Variants in CHRNE observed in about 807,000 individuals in gnomAD.
The protein encoded by CHRNE is acetylcholine receptor subunit epsilon.
Under a neutral mutation model 56.5 loss-of-function variants are expected in CHRNE, and 58 were observed. The observed-to-expected ratio is 1.03, with a 90% CI of 0.83 to 1.28. The LOEUF is 1.28. Among genes scored for constraint, CHRNE ranks in the 50% most tolerant of loss-of-function variants. The probability of loss-of-function intolerance (pLI) is 0.00; values close to 1 mark genes in which losing one functional copy is unlikely to be tolerated. For synonymous variants in CHRNE, 385 were observed against 297.9 expected (o/e 1.29, Z -3.01); for missense variants, 793 against 688.9 (o/e 1.15, Z -1.69).
At position 4,902,527 on chromosome 17, in the gene CHRNE, G is replaced by T; in HGVS notation, c.190-33C>A. On this transcript the variant is annotated intron_variant, in intron 2 of 11. Transcript: ENST00000649488. The surrounding 1 kb of genome is among the most constrained non-coding windows in gnomAD (Gnocchi z 4.0). ...TGGGAGATGGGGATGATTGAAGTGAGATTTCAGGGCCAGAAGTGAGCTTTA... is the reference window on the plus strand; with the variant it reads ...TGGGAGATGGGGATGATTGAAGTGATATTTCAGGGCCAGAAGTGAGCTTTA... 1 of 1,614,196 alleles carries T rather than the reference G, an allele frequency of 6.2e-7. No individual in the cohort carries two copies. The highest frequency in any genetic ancestry group is 1.1e-5 in the South Asian group (1 of 91,088).
Position 4,902,678 on chromosome 17 carries a change from C to G in CHRNE, c.132G>C (p.Glu44Asp). 6.2e-7 allele frequency: 1 copy of G among 1,614,116 alleles called. No homozygotes were observed. The highest frequency in any genetic ancestry group is 8.5e-7 in the Non-Finnish European group (1 of 1,180,002). Reference sequence around the variant, plus strand: ...GGCTGATGGTGACAGTATCCTCAGGCTCCCGCACTGGCCGGCTTCCTGGGT... The same window carrying G: ...GGCTGATGGTGACAGTATCCTCAGGGTCCCGCACTGGCCGGCTTCCTGGGT... ...NYDPGSRPVR[E>D]PEDTVTISLK... The change falls in exon 2 of 12, where the codon GAG becomes GAC. Residue 44 changes from glutamate (E) to aspartate (D), a missense_variant. Coordinates refer to ENST00000649488, the MANE Select transcript of CHRNE (RefSeq NM_000080.4). This position sits in a 1 kb window ranked among gnomAD's most constrained non-coding sequence, Gnocchi z 4.0.
At chr17:4,900,297 C>G in intron 8 of CHRNE, 1 of 1,545,450 alleles carries the variant, frequency 6.5e-7, no homozygotes. Context: ...GGGCCCAGCC[C>G]CAGACGGCAG....
In CHRNE at chr17:4,899,312, GGGGCGAGGCGGCCCGGGGGGCCTC is replaced by G. The variant is rs922032533; in HGVS notation, c.1081_1104del (p.Glu361_Pro368del). On this transcript the variant is annotated inframe_deletion, in exon 10 of 12. Coordinates refer to ENST00000649488, the MANE Select transcript of CHRNE (RefSeq NM_000080.4). Reference sequence around the variant, plus strand: ...AAGCCCACCGACGACGCCCGCCTTGGGGGCGAGGCGGCCCGGGGGGCCTCGGGCGGCGGCGGGGAGCCCAGGAGG... The same window carrying G: ...AAGCCCACCGACGACGCCCGCCTTGGGGGCGGCGGCGGGGAGCCCAGGAGG... The G allele has an allele frequency of 6.3e-7, 1 of 1,577,178 alleles. No homozygotes were observed. Among genetic ancestry groups the G allele is most frequent in the Non-Finnish European group, 8.6e-7 (1 of 1,168,166 alleles).
Position 4,902,140 on chromosome 17 carries a change from T to C in CHRNE, c.345-53A>G. On this transcript the variant is annotated intron_variant, in intron 4 of 11. Coordinates refer to ENST00000649488, the MANE Select transcript of CHRNE (RefSeq NM_000080.4). This position sits in a 1 kb window ranked among gnomAD's most constrained non-coding sequence, Gnocchi z 4.0. ...TGCACAGGTCTGCACCCTCTCAGAG[T>C]ACCCCCTTCCCCAACCAAGTCCAGC... 1 of 1,612,800 alleles carries C rather than the reference T, an allele frequency of 6.2e-7. No individual in the cohort carries two copies. The highest frequency in any genetic ancestry group is 2.2e-5 in the East Asian group (1 of 44,730).
Position 4,899,483 on chromosome 17 carries a change from G to A in CHRNE, c.1017C>T (p.Ser339=), listed in dbSNP as rs114454383. 5.0e-6 allele frequency: 8 copies of A among 1,598,544 alleles called. No homozygotes were observed. Among genetic ancestry groups the A allele is most frequent in the East Asian group, 2.3e-5 (1 of 44,344 alleles). ...CCGCGCTTACGTGGCGCAGCCGCGG[G>A]GACATGGCGTGGGTGGTGGGCGTCC... ...SQRTPTTHAM[S]PRLRHVLLEL... Residue 339 remains serine, a synonymous_variant, in exon 9 of 12, where the codon TCC becomes TCT. Transcript: ENST00000649488.
At position 4,898,708 on chromosome 17, in the gene CHRNE, A is replaced by ATGGG. The variant is rs1567635219; in HGVS notation, c.*24_*27dup. The ATGGG allele has an allele frequency of 6.2e-7, 1 of 1,602,464 alleles. No homozygotes were observed. Among genetic ancestry groups the ATGGG allele is most frequent in the African/African-American group, 1.3e-5 (1 of 74,944 alleles). On this transcript the variant is annotated 3_prime_UTR_variant, in exon 12 of 12. Transcript: ENST00000649488. ...TTTCAAAATCAATTTCCTACTGGAG[A>ATGGG]TGGGTGGGAAATTGAAGTCGGTGCG...
At chr17:4,899,615 C>T (rs1177751158) in intron 8 of CHRNE, 33 bp from the exon 9 acceptor site, 2 of 1,511,096 alleles carry the variant, frequency 1.3e-6, no homozygotes, top group African/African-American at 2.8e-5. Flanking sequence ...CATCACCGTT[C>T]CTCCTCCCAG....
chr17:4,898,393 T>G lies in CHRNE; in HGVS notation c.*343A>C. The G allele has an allele frequency of 2.7e-6, 1 of 371,138 alleles. No individual in the cohort carries two copies. Among genetic ancestry groups the G allele is most frequent in the Non-Finnish European group, 5.2e-6 (1 of 194,174 alleles). The allele number at this position is 371,138 out of a possible 1,614,324, so 23.0% of individuals were successfully genotyped here. On this transcript the variant is annotated 3_prime_UTR_variant, in exon 12 of 12. Coordinates refer to ENST00000649488, the MANE Select transcript of CHRNE (RefSeq NM_000080.4). ...TGCAAAGGGGTCTCCTGTTTGGCTA[T>G]GAAATGAATATAGATAGATAGCTCA... is the stretch of plus-strand genomic sequence containing the variant.
At chr17:4,901,455 G>T in intron 6 of CHRNE, 70 bp downstream of exon 6, 1 of 1,440,200 alleles carries the variant, frequency 6.9e-7, no homozygotes, top group Non-Finnish European at 9.8e-7. Context: ...TCCGGGGCAA[G>T]CCCACCGTGG....
At position 4,899,058 on chromosome 17, in the gene CHRNE, A is replaced by ACAGCAGCGGACCTCGGGGG. The variant is rs781774131; in HGVS notation, c.1250_1268dup (p.Val424ProfsTer38). 19 of 1,611,810 alleles carry ACAGCAGCGGACCTCGGGGG rather than the reference A, an allele frequency of 1.2e-5. No homozygotes were observed. In the South Asian group the frequency reaches 2.0e-4, roughly 17 times the overall value. On this transcript the variant is annotated frameshift_variant, in exon 11 of 12. Coordinates refer to ENST00000649488, the MANE Select transcript of CHRNE (RefSeq NM_000080.4). LOFTEE classifies it high-confidence loss of function. The stretch of plus-strand genomic sequence containing the variant: ...CGGCCACGAAGTTCACGGCATCCAC[A>ACAGCAGCGGACCTCGGGGG]CAGCAGCGGACCTCGGGGGCGGCGG...
rs767865852 is a variant in CHRNE, at chr17:4,899,462, G to A, written c.1032+6C>T. On this transcript the variant is annotated splice_donor_region_variant and intron_variant, in intron 9 of 11. Coordinates refer to ENST00000649488, the MANE Select transcript of CHRNE (RefSeq NM_000080.4). ...ACCCGGGCTGCACCGCCCCCTCCGC[G>A]CTTACGTGGCGCAGCCGCGGGGACA... The A allele has an allele frequency of 1.3e-6, 2 of 1,581,888 alleles. No individual in the cohort carries two copies. Among genetic ancestry groups the A allele is most frequent in the South Asian group, 2.3e-5 (2 of 86,482 alleles).
chr17:4,899,724 T>G (rs1241187072), intron 8 of CHRNE, 142 bp from the exon 9 acceptor site: 2 of 1,533,730 alleles, frequency 1.3e-6, no homozygotes, highest in East Asian at 2.5e-5. Context: ...GACAGACGCG[T>G]CCCCCAGCCC....
At position 4,899,192 on chromosome 17, in the gene CHRNE, G is replaced by A. The variant is rs1162261735; in HGVS notation, c.1219+6C>T. On this transcript the variant is annotated splice_donor_region_variant and intron_variant, in intron 10 of 11. Coordinates refer to ENST00000649488, the MANE Select transcript of CHRNE (RefSeq NM_000080.4). ...CGGCCCCCCGGGCCAGGGCCACTGT[G>A]CTCACCCGTCCAGGTCCCCTGCCGG... is the stretch of plus-strand genomic sequence containing the variant. 5 of 1,600,956 alleles carry A rather than the reference G, an allele frequency of 3.1e-6. No homozygotes were observed. Among genetic ancestry groups the A allele is most frequent in the Admixed American group, 1.7e-5 (1 of 59,248 alleles).
upstream of CHRNE, among the ~76,000 whole-genome samples, chr17:4,907,128 C>A (rs1174077950): frequency 1.3e-5 from 2 of 151,782 alleles, no homozygotes; most frequent in Non-Finnish European, 2.9e-5. Flanking sequence ...TATTTGATAG[C>A]ACAACAGAGT....
upstream of CHRNE, among the ~76,000 whole-genome samples, chr17:4,904,905 T>G (rs1352177291): frequency 6.6e-6 from 1 of 152,212 alleles, no homozygotes; most frequent in Non-Finnish European, 1.5e-5. Flanking sequence ...ACGATTTCCA[T>G]TTCAGACTCC....
In CHRNE at chr17:4,902,389, G is replaced by A; in HGVS notation, c.234+61C>T. ...CTCCCACCTGGCGCTGCCTGGGAGGGGTTTGGGGGAAAAGGGGTGCCCTGG... is the reference window on the plus strand; with the variant it reads ...CTCCCACCTGGCGCTGCCTGGGAGGAGTTTGGGGGAAAAGGGGTGCCCTGG... On this transcript the variant is annotated intron_variant, in intron 3 of 11. Coordinates refer to ENST00000649488, the MANE Select transcript of CHRNE (RefSeq NM_000080.4). The surrounding 1 kb of genome is among the most constrained non-coding windows in gnomAD (Gnocchi z 4.0). 1.2e-6 allele frequency: 2 copies of A among 1,613,596 alleles called. No individual in the cohort carries two copies. Among genetic ancestry groups the A allele is most frequent in the East Asian group, 4.5e-5 (2 of 44,870 alleles).
In CHRNE at chr17:4,902,981, G is replaced by C; in HGVS notation, c.46+37C>G. 1 of 1,613,124 alleles carries C rather than the reference G, an allele frequency of 6.2e-7. No homozygotes were observed. Among genetic ancestry groups the C allele is most frequent in the Non-Finnish European group, 8.5e-7 (1 of 1,179,154 alleles). On this transcript the variant is annotated intron_variant, in intron 1 of 11. Coordinates refer to ENST00000649488, the MANE Select transcript of CHRNE (RefSeq NM_000080.4). This position sits in a 1 kb window ranked among gnomAD's most constrained non-coding sequence, Gnocchi z 4.0. ...TCCCAGTCCCTTCATGTCAGTATCT[G>C]TGTGTGTCCAATTGCCCCTCTAGCC...
rs890613082 is a variant in CHRNE at position 4,898,152 on chromosome 17, G to A, written c.*584C>T. On this transcript the variant is annotated 3_prime_UTR_variant, in exon 12 of 12. Coordinates refer to ENST00000649488, the MANE Select transcript of CHRNE (RefSeq NM_000080.4). ...GGAAGAAAGGGGCAGGGTGGGCTGG[G>A]ATCTGCAATGAGTGAGCCTCATGGG... 1.2e-5 allele frequency: 2 copies of A among 162,736 alleles called. No individual in the cohort carries two copies. The highest frequency in any genetic ancestry group is 5.7e-5 in the Admixed American group (1 of 17,598). 10.1% of individuals were successfully genotyped at this position (162,736 alleles called of 1,614,324 possible). A position where few individuals can be genotyped will look rare whatever the true frequency, so the allele number is the denominator to read the frequency against.
In CHRNE at chr17:4,902,079, C is replaced by T. The variant is rs1555546986; in HGVS notation, c.353G>A (p.Gly118Asp). 6 of 1,613,936 alleles carry T rather than the reference C, an allele frequency of 3.7e-6. No individual in the cohort carries two copies. In the South Asian group the frequency reaches 4.4e-5, roughly 12 times the overall value. ...GGCGTCGTAGGCCACTCCGAACTGG[C>T]CATCAATACTGTGGGCTCGGGGAAA... ...PEIVLENNID[G>D]QFGVAYDANV... Residue 118 changes from glycine (G) to aspartate (D), a missense_variant, in exon 5 of 12, where the codon GGC becomes GAC. Physicochemically the swap from Gly to Asp is moderately conservative, Grantham distance 94. Transcript: ENST00000649488. The surrounding 1 kb of genome is among the most constrained non-coding windows in gnomAD (Gnocchi z 4.0).
Sources: allele counts gnomAD v4.1 joint callset (sites outside exome capture counted in the v4.1 genomes callset), GRCh38; gene constraint gnomAD v4.1.1; non-coding constraint Gnocchi (gnomAD v3.1); transcripts MANE v1.5; gene names NCBI Gene and HGNC (gene_info 2026-07-23, HGNC 2026-07-21).